CDK14: variants seen among roughly 807,000 people sequenced by gnomAD.
The protein encoded by CDK14 is cyclin dependent kinase 14, also known as cyclin-dependent kinase 14.
A neutral mutation model predicts 60.7 loss-of-function variants in CDK14; 34 were observed. The observed-to-expected ratio is 0.56, with a 90% CI of 0.43 to 0.75. The LOEUF (loss-of-function observed/expected upper bound fraction) is 0.75. CDK14 is among the 30% of genes least tolerant of loss of function. CDK14 has a pLI of 0.00. For synonymous variants in CDK14, 197 were observed against 203.7 expected, an observed-to-expected ratio of 0.97 and a Z score of 0.28; for missense variants, 482 against 564.1, an observed-to-expected ratio of 0.85 and a Z score of 1.47.
At chr7:90,720,192 G>A (rs145863962) in intron 2 of CDK14, among the ~76,000 whole-genome samples, 3 of 152,256 alleles carry the variant, frequency 2.0e-5, no homozygotes, top group African/African-American at 7.2e-5. Flanking sequence ...ACAGTCTAAG[G>A]TATGCAAAAT....
At chr7:91,124,351 A>G (rs563431668) in intron 14 of CDK14, among the ~76,000 whole-genome samples, 1 of 152,328 alleles carries the variant, frequency 6.6e-6, no homozygotes, top group South Asian at 2.1e-4. Context: ...GCCATCACAT[A>G]CAAATTTGTG....
At chr7:90,672,581 G>A (rs1474591119) in intron 2 of CDK14, among the ~76,000 whole-genome samples, 4 of 123,630 alleles carry the variant, frequency 3.2e-5, no homozygotes, top group African/African-American at 9.2e-5. Context: ...GTGCCATGGT[G>A]TGATCATAGC....
At chr7:90,861,092 C>G (rs1349193222) in intron 5 of CDK14, among the ~76,000 whole-genome samples, 1 of 152,104 alleles carries the variant, frequency 6.6e-6, no homozygotes, top group East Asian at 1.9e-4. Flanking sequence ...GCAGCAGGCT[C>G]TTCTTATTCA....
At chr7:90,809,428 A>G (rs538677769) in intron 5 of CDK14, among the ~76,000 whole-genome samples, 2 of 152,308 alleles carry the variant, frequency 1.3e-5, no homozygotes, top group East Asian at 1.9e-4. Flanking sequence ...ACCAACGAGA[A>G]CAAAGACACT....
At chr7:91,028,887 C>A (rs980947800) in intron 10 of CDK14, among the ~76,000 whole-genome samples, 9 of 151,962 alleles carry the variant, frequency 5.9e-5, no homozygotes, top group Admixed American at 5.2e-4. Flanking sequence ...TTCTCCCATT[C>A]CGTAGGTTGT....
chr7:90,815,013 A>G (rs1305238352), intron 5 of CDK14, among the ~76,000 whole-genome samples: 2 of 152,194 alleles, frequency 1.3e-5, no homozygotes, highest in East Asian at 3.8e-4. Context: ...GCTTTCATAG[A>G]AACAATCTTT....
At chr7:90,979,281 A>G (rs1270298215) in intron 9 of CDK14, 2 of 152,152 alleles carry the variant, frequency 1.3e-5, no homozygotes, top group East Asian at 1.9e-4. Context: ...CTCTCTTTTT[A>G]GACTTTTCTT....
intron 10 of CDK14, among the ~76,000 whole-genome samples, chr7:91,041,571 A>G (rs996758771): frequency 7.2e-5 from 11 of 152,220 alleles, no homozygotes; most frequent in Non-Finnish European, 4.4e-5. Flanking sequence ...ATGCACACAC[A>G]CAAAGATGTA....
At chr7:90,805,900 A>T (rs2106278) in intron 5 of CDK14, among the ~76,000 whole-genome samples, 138,999 of 152,224 alleles carry the variant, frequency 0.91, 63,592 homozygotes, top group East Asian at 1. Flanking sequence ...AAACTTTGTA[A>T]AAAGCTACAG....
intron 3 of CDK14, among the ~76,000 whole-genome samples, chr7:90,729,825 GT>G (rs905452486): frequency 1.3e-5 from 2 of 151,644 alleles, no homozygotes; most frequent in African/African-American, 4.8e-5. Context: ...ATAATATCCT[GT>G]TTTTTTCTGA....
intron 8 of CDK14, among the ~76,000 whole-genome samples, chr7:90,929,646 A>T (rs1250763906): frequency 3.9e-5 from 6 of 152,238 alleles, no homozygotes; most frequent in African/African-American, 1.4e-4. Flanking sequence ...ATGCTTTGAG[A>T]ATAAAATTAT....
At chr7:90,775,744 TCTCCTCTTC>T (rs1374649743) in intron 4 of CDK14, among the ~76,000 whole-genome samples, 2 of 130,188 alleles carry the variant, frequency 1.5e-5, no homozygotes, top group Non-Finnish European at 3.2e-5. Flanking sequence ...CTCTTCTCCT[TCTCCTCTTC>T]CTCCTCCTCT....
intron 2 of CDK14, among the ~76,000 whole-genome samples, chr7:90,624,162 C>T (rs772069292): frequency 1.1e-4 from 16 of 152,152 alleles, no homozygotes; most frequent in African/African-American, 4.8e-5. Context: ...AGGCCACAGT[C>T]TTCTGTTCTC....
At position 91,132,759 on chromosome 7, in the gene CDK14, T is replaced by C. The variant is rs1451697339; in HGVS notation, c.*28+14551T>C. On this transcript the variant is annotated intron_variant, in intron 14 of 14. Coordinates refer to ENST00000380050, the MANE Select transcript of CDK14 (RefSeq NM_001287135.2). ...AGCCATGACATTTTAAATTTCAGGA[T>C]GATAAAGGGTACAGCAGAACTTTGC... 2.0e-5 allele frequency among the ~76,000 whole-genome samples: 3 copies of C among 152,078 alleles called. No individual in the cohort carries two copies. The East Asian group carries it at 5.8e-4, about 29-fold the overall frequency.
chr7:91,183,488 C>T (rs1802068674), intron 14 of CDK14, among the ~76,000 whole-genome samples: 1 of 152,190 alleles, frequency 6.6e-6, no homozygotes, highest in Non-Finnish European at 1.5e-5. Context: ...TTTTAACAGT[C>T]TCTTGATTTC....
chr7:90,658,376 A>G (rs1054332224), intron 2 of CDK14, among the ~76,000 whole-genome samples: 3 of 152,208 alleles, frequency 2.0e-5, no homozygotes, highest in Non-Finnish European at 4.4e-5. Context: ...CTCAGATGGT[A>G]GAAGGGATAC....
chr7:90,771,525 G>A (rs949963968), intron 4 of CDK14, among the ~76,000 whole-genome samples: 2 of 152,240 alleles, frequency 1.3e-5, no homozygotes, highest in African/African-American at 4.8e-5. Flanking sequence ...TCAGCAGCGA[G>A]AGGGGACCCA....
chr7:91,205,239 T>A (rs1170145655), intron 14 of CDK14, among the ~76,000 whole-genome samples: 1 of 152,172 alleles, frequency 6.6e-6, no homozygotes, highest in African/African-American at 2.4e-5. Context: ...TATACATGAA[T>A]ATTCAGAGCA....
intron 5 of CDK14, chr7:90,824,587 T>G (rs989745631): frequency 6.6e-6 from 1 of 152,204 alleles, no homozygotes; most frequent in Non-Finnish European, 1.5e-5. Context: ...GAGAACTGAT[T>G]TTAAGTTGCT....
Sources: gnomAD v4.1 joint callset for allele counts (sites outside exome capture counted in the v4.1 genomes callset) on GRCh38, gnomAD v4.1.1 for gene constraint, MANE v1.5 for transcripts, NCBI Gene and HGNC (gene_info 2026-07-23, HGNC 2026-07-21) for gene names.